LRP1B: variants seen among roughly 807,000 people sequenced by gnomAD.
LRP1B encodes LDL receptor related protein 1B.
LRP1B carries 217 observed loss-of-function variants against 556.6 expected under a neutral mutation model. The observed-to-expected ratio is 0.39, with a 90% CI of 0.35 to 0.44. LRP1B has a LOEUF of 0.44. Among genes scored for constraint, LRP1B ranks in the 20% least tolerant of loss-of-function variants. LRP1B has a pLI of 1.00. For synonymous variants in LRP1B, 2,047 were observed against 1,865.8 expected (o/e 1.10, Z -2.50); for missense variants, 5,053 against 5,620.8 (o/e 0.90, Z 3.23).
In LRP1B at chr2:140,444,236, T is replaced by C. The variant is rs925609062; in HGVS notation, c.10294+94A>G. 8 of 1,331,704 alleles carry C rather than the reference T, an allele frequency of 6.0e-6. No individual in the cohort carries two copies. In the African/African-American group the frequency reaches 1.2e-4, roughly 19 times the overall value. The allele number at this position is 1,331,704 out of a possible 1,614,324, so 82.5% of individuals were successfully genotyped here. On this transcript the variant is annotated intron_variant, in intron 65 of 90. Coordinates refer to ENST00000389484, the MANE Select transcript of LRP1B (RefSeq NM_018557.3). ...GACCATAATTTCTTTTCAATTTATC[T>C]ACATCATATGAATTTATGAAGTATA...
chr2:141,713,420 C>A (rs72983845), intron 2 of LRP1B, among the ~76,000 whole-genome samples: 1 of 152,164 alleles, frequency 6.6e-6, no homozygotes, highest in Admixed American at 6.5e-5. Flanking sequence ...TCCAAATGAA[C>A]ACTCCTTTAA....
At chr2:142,025,525 G>T (rs908673505) in intron 1 of LRP1B, among the ~76,000 whole-genome samples, 16 of 152,116 alleles carry the variant, frequency 1.1e-4, no homozygotes, top group Admixed American at 2.0e-4. Flanking sequence ...TGATAGTGTG[G>T]TATTAACTGT....
At chr2:140,409,670 T>G (rs747229340) in intron 66 of LRP1B, among the ~76,000 whole-genome samples, 2 of 151,864 alleles carry the variant, frequency 1.3e-5, no homozygotes, top group South Asian at 4.1e-4. Flanking sequence ...TATGCCAGAT[T>G]CATGTAATCT....
intron 10 of LRP1B, among the ~76,000 whole-genome samples, chr2:141,054,866 T>A (rs1482091167): frequency 1.3e-5 from 2 of 152,030 alleles, no homozygotes; most frequent in Admixed American, 1.3e-4. Context: ...AGCATCTTTC[T>A]AAAAATCTTC....
intron 43 of LRP1B, among the ~76,000 whole-genome samples, chr2:140,564,894 A>T (rs771630701): frequency 6.6e-6 from 1 of 151,836 alleles, no homozygotes; most frequent in Non-Finnish European, 1.5e-5. Context: ...ACTTAAAGCC[A>T]CTCTTGTTGT....
chr2:142,029,962 C>T (rs920273326), intron 1 of LRP1B, among the ~76,000 whole-genome samples: 5 of 151,410 alleles, frequency 3.3e-5, no homozygotes, highest in African/African-American at 1.2e-4. Context: ...GAACACTGAC[C>T]TTAACTTTTT....
chr2:140,477,039 A>G (rs1328758658), intron 59 of LRP1B, among the ~76,000 whole-genome samples: 1 of 152,082 alleles, frequency 6.6e-6, no homozygotes, highest in Non-Finnish European at 1.5e-5. Context: ...CGTCAGTGAA[A>G]TACATCTTCT....
At chr2:141,273,154 C>A (rs1310501685) in intron 3 of LRP1B, among the ~76,000 whole-genome samples, 3 of 151,962 alleles carry the variant, frequency 2.0e-5, no homozygotes, top group African/African-American at 4.8e-5. Flanking sequence ...ATGAAAAATA[C>A]AAAAGTTAAC....
At chr2:141,401,178 G>A (rs1690440503) in intron 3 of LRP1B, among the ~76,000 whole-genome samples, 1 of 152,104 alleles carries the variant, frequency 6.6e-6, no homozygotes, top group South Asian at 2.1e-4. Flanking sequence ...TACCCTTTTA[G>A]TTTTCTTCTG....
chr2:140,868,156 C>T lies in LRP1B; in HGVS notation c.4277G>A (p.Trp1426Ter), dbSNP rs2105156152. Reference sequence around the variant, plus strand: ...GTGGTCCACAGTTAGTCCATTAGGCCAAGCCCCAGTTTTCATGTCTTTATA... The same window carrying T: ...GTGGTCCACAGTTAGTCCATTAGGCTAAGCCCCAGTTTTCATGTCTTTATA... ...TIYKDMKTGA[W>*]PNGLTVDHFE... Residue 1426 changes from tryptophan to a stop codon, truncating the protein, a stop_gained, in exon 26 of 91, where the codon TGG becomes TAG. Coordinates refer to ENST00000389484, the MANE Select transcript of LRP1B (RefSeq NM_018557.3). LOFTEE classifies it high-confidence loss of function. 6.2e-7 allele frequency: 1 copy of T among 1,610,994 alleles called. No homozygotes were observed. Among genetic ancestry groups the T allele is most frequent in the Non-Finnish European group, 8.5e-7 (1 of 1,178,672 alleles).
chr2:140,785,772 AAATTT>A (rs1254396223), intron 32 of LRP1B, among the ~76,000 whole-genome samples: 11 of 152,234 alleles, frequency 7.2e-5, no homozygotes, highest in East Asian at 1.9e-4. Context: ...TACCAAAATA[AAATTT>A]AATTTATTTT....
intron 3 of LRP1B, among the ~76,000 whole-genome samples, chr2:141,324,544 A>T (rs1389128975): frequency 6.6e-6 from 1 of 152,104 alleles, no homozygotes; most frequent in African/African-American, 2.4e-5. Flanking sequence ...TTTAGATCAG[A>T]TTAAGAGGAT....
At chr2:142,052,954 A>T (rs1393798200) in intron 1 of LRP1B, among the ~76,000 whole-genome samples, 1 of 152,192 alleles carries the variant, frequency 6.6e-6, no homozygotes, top group Non-Finnish European at 1.5e-5. Flanking sequence ...GTTAATGAAT[A>T]CACAAAAGGA....
At chr2:142,112,629 A>C (rs996331027) in intron 1 of LRP1B, among the ~76,000 whole-genome samples, 1 of 152,114 alleles carries the variant, frequency 6.6e-6, no homozygotes, top group Non-Finnish European at 1.5e-5. Flanking sequence ...TCATTGTCTA[A>C]ACTAGAATCT....
Position 141,293,169 on chromosome 2 carries a change from A to G in LRP1B, c.344-38528T>C, listed in dbSNP as rs115998510. Among the ~76,000 whole-genome samples the G allele has an allele frequency of 3.0e-3, 460 of 152,330 alleles. 4 individuals are homozygous for G. Among genetic ancestry groups the G allele is most frequent in the African/African-American group, 9.8e-3 (406 of 41,582 alleles). ...GGAGGAGAACATAAGTCTTTCTGGT[A>G]TGAAGAAACATGTCCAGAAAGAAGA... On this transcript the variant is annotated intron_variant, in intron 3 of 90. Transcript: ENST00000389484.
intron 32 of LRP1B, among the ~76,000 whole-genome samples, chr2:140,795,481 A>T (rs1214277436): frequency 2.0e-5 from 3 of 152,148 alleles, no homozygotes; most frequent in African/African-American, 7.2e-5. Flanking sequence ...TAAATATGGA[A>T]CAATATTAAT....
intron 41 of LRP1B, among the ~76,000 whole-genome samples, chr2:140,660,150 A>C (rs1343815347): frequency 1.3e-5 from 2 of 152,008 alleles, no homozygotes; most frequent in Non-Finnish European, 2.9e-5. Flanking sequence ...CTCAAAAAAA[A>C]ACTCCTGCTC....
chr2:140,563,729 T>C (rs1334368310), intron 43 of LRP1B, among the ~76,000 whole-genome samples: 3 of 152,210 alleles, frequency 2.0e-5, no homozygotes, highest in African/African-American at 7.2e-5. Context: ...TATCTGGAAT[T>C]ACATTCAAAA....
At chr2:141,750,798 A>G (rs1205846597) in intron 2 of LRP1B, among the ~76,000 whole-genome samples, 1 of 152,122 alleles carries the variant, frequency 6.6e-6, no homozygotes. Flanking sequence ...TTTATAGAAA[A>G]TGTAAAAGAA....
Sources: gnomAD v4.1 joint callset for allele counts (sites outside exome capture counted in the v4.1 genomes callset) on GRCh38, gnomAD v4.1.1 for gene constraint, MANE v1.5 for transcripts, NCBI Gene and HGNC (gene_info 2026-07-23, HGNC 2026-07-21) for gene names.